Variants in ISL1 observed in about 807,000 individuals in gnomAD.
ISL1 encodes ISL LIM homeobox 1.
A neutral mutation model predicts 35.3 loss-of-function variants in ISL1; 4 were observed. That is an observed-to-expected ratio of 0.11 (90% CI 0.06 to 0.26). The LOEUF (loss-of-function observed/expected upper bound fraction) is 0.26. Among genes scored for constraint, ISL1 ranks in the 10% least tolerant of loss-of-function variants. The probability of loss-of-function intolerance (pLI) is 1.00; values close to 1 mark genes in which losing one functional copy is unlikely to be tolerated. For missense variants in ISL1, 340 were observed against 472.8 expected, an observed-to-expected ratio of 0.72 and a Z score of 2.60; for synonymous variants, 186 against 172.3, an observed-to-expected ratio of 1.08 and a Z score of -0.62.
In ISL1 at chr5:51,389,582, C is replaced by A; in HGVS notation, c.479-64C>A. 2 of 1,372,546 alleles carry A rather than the reference C, an allele frequency of 1.5e-6. No individual in the cohort carries two copies. The highest frequency in any genetic ancestry group is 9.4e-7 in the Non-Finnish European group (1 of 1,066,736). The allele number at this position is 1,372,546 out of a possible 1,614,324, so 85.0% of individuals were successfully genotyped here. ...GCAAGCGAGCGAGCGAGCGAGCGCG[C>A]GACCGCGGGCGGGCCGGCAAGCGAG... On this transcript the variant is annotated intron_variant, in intron 3 of 5. Coordinates refer to ENST00000230658, the MANE Select transcript of ISL1 (RefSeq NM_002202.3). This position sits in a 1 kb window ranked among gnomAD's most constrained non-coding sequence, Gnocchi z 5.0.
At position 51,389,687 on chromosome 5, in the gene ISL1, G is replaced by A. The variant is rs764011682; in HGVS notation, c.520G>A (p.Val174Ile). 2 of 1,612,776 alleles carry A rather than the reference G, an allele frequency of 1.2e-6. No homozygotes were observed. Among genetic ancestry groups the A allele is most frequent in the Non-Finnish European group, 1.7e-6 (2 of 1,179,916 alleles). ...CAGGCAGCCAGCCCTGCGGCCCCAC[G>A]TCCACAAGCAGCCGGAGAAGACCAC... ...SARQPALRPH[V>I]HKQPEKTTRV... Residue 174 changes from valine to isoleucine, a missense_variant, in exon 4 of 6, where the codon GTC becomes ATC. Val to Ile is a conservative substitution (Grantham distance 29). This residue lies in a region of ISL1 where 94 missense variants were observed against 102.1 expected (regional missense o/e 0.92). Coordinates refer to ENST00000230658, the MANE Select transcript of ISL1 (RefSeq NM_002202.3). The surrounding 1 kb of genome is among the most constrained non-coding windows in gnomAD (Gnocchi z 5.0).
intron 2 of ISL1, among the ~76,000 whole-genome samples, chr5:51,385,295 T>A (rs1471176412): frequency 6.6e-6 from 1 of 152,184 alleles, no homozygotes; most frequent in East Asian, 1.9e-4. Flanking sequence ...AAAACCAACC[T>A]AAATATTCCT....
At chr5:51,390,187 G>C (rs1444188039) in intron 4 of ISL1, among the ~76,000 whole-genome samples, 2 of 152,148 alleles carry the variant, frequency 1.3e-5, no homozygotes, top group Non-Finnish European at 2.9e-5. Flanking sequence ...CAACCTCGTG[G>C]GTGGGCTCAT....
At position 51,384,582 on chromosome 5, in the gene ISL1, A is replaced by T; in HGVS notation, c.70A>T (p.Ile24Phe). Reference sequence around the variant, plus strand: ...CCTATGTGTTGGTTGCGGCAATCAGATTCACGATCAGTATATTCTGAGGGT... The same window carrying T: ...CCTATGTGTTGGTTGCGGCAATCAGTTTCACGATCAGTATATTCTGAGGGT... ...ISLCVGCGNQ[I>F]HDQYILRVSP... is the part of the protein sequence containing the mutation. The change falls in exon 2 of 6, where the codon ATT becomes TTT. Residue 24 changes from isoleucine (I) to phenylalanine (F), a missense_variant. This residue lies in a region of ISL1 where 70 missense variants were observed against 130.3 expected (regional missense o/e 0.54). Transcript: ENST00000230658. 1 of 1,614,146 alleles carries T rather than the reference A, an allele frequency of 6.2e-7. No individual in the cohort carries two copies. The highest frequency in any genetic ancestry group is 8.5e-7 in the Non-Finnish European group (1 of 1,180,028).
At chr5:51,383,955 A>G (rs549969513) in intron 1 of ISL1, among the ~76,000 whole-genome samples, 12 of 152,210 alleles carry the variant, frequency 7.9e-5, no homozygotes, top group African/African-American at 2.9e-4. Flanking sequence ...CTAAGCGGTG[A>G]TTTCCTCCTG....
In ISL1 at chr5:51,389,520, C is replaced by T; in HGVS notation, c.479-126C>T. 1 of 816,620 alleles carries T rather than the reference C, an allele frequency of 1.2e-6. No individual in the cohort carries two copies. The highest frequency in any genetic ancestry group is 1.7e-6 in the Non-Finnish European group (1 of 585,812). 50.6% of individuals were successfully genotyped at this position (816,620 alleles called of 1,614,324 possible). On this transcript the variant is annotated intron_variant, in intron 3 of 5. Transcript: ENST00000230658. This position sits in a 1 kb window ranked among gnomAD's most constrained non-coding sequence, Gnocchi z 5.0. ...AAACCCTAGCCATTGTCCTGAGTAT[C>T]TCGGGCGGGCGAGCAAGTAAGCGGG...
rs565792243 is a variant in ISL1, at chr5:51,390,456, C to T, written c.765+524C>T. Among the ~76,000 whole-genome samples, 20 of 152,062 alleles carry T rather than the reference C, an allele frequency of 1.3e-4. No homozygotes were observed. The South Asian group carries it at 3.9e-3, about 30-fold the overall frequency. On this transcript the variant is annotated intron_variant, in intron 4 of 5. Coordinates refer to ENST00000230658, the MANE Select transcript of ISL1 (RefSeq NM_002202.3). ...TGCGCCTTCAGGCTGGCGAGTTCCCCCAAGGTGACCCGCATGCCCAGATCA... is the reference window on the plus strand; with the variant it reads ...TGCGCCTTCAGGCTGGCGAGTTCCCTCAAGGTGACCCGCATGCCCAGATCA...
chr5:51,390,615 C>G (rs1321646694), intron 4 of ISL1, among the ~76,000 whole-genome samples: 1 of 89,602 alleles, frequency 1.1e-5, no homozygotes, highest in Non-Finnish European at 2.5e-5. Flanking sequence ...AGTTTCTTTT[C>G]TTCCTTTTTT....
At chr5:51,384,403 T>C in intron 1 of ISL1, 138 bp from the exon 2 acceptor site, 1 of 584,608 alleles carries the variant, frequency 1.7e-6, no homozygotes, top group Non-Finnish European at 2.8e-6. Context: ...TGCAATGCTC[T>C]AAAAAAAAAA....
At chr5:51,390,934 A>C (rs926706500) in intron 4 of ISL1, among the ~76,000 whole-genome samples, 10 of 151,602 alleles carry the variant, frequency 6.6e-5, no homozygotes, top group African/African-American at 2.2e-4. Context: ...AGCCCTGCTT[A>C]CCTCAGCTTT....
Position 51,389,478 on chromosome 5 carries a change from T to G in ISL1, c.479-168T>G, listed in dbSNP as rs1237798546. On this transcript the variant is annotated intron_variant, in intron 3 of 5. Transcript: ENST00000230658. The surrounding 1 kb of genome is among the most constrained non-coding windows in gnomAD (Gnocchi z 5.0). The stretch of plus-strand genomic sequence containing the variant: ...GCCCCCACCTCTGCCGCCCCCTGCT[T>G]TGTGTGCTGAGGCTGCAAACCCTAG... 6.6e-6 allele frequency among the ~76,000 whole-genome samples: 1 copy of G among 150,614 alleles called. No individual in the cohort carries two copies. The highest frequency in any genetic ancestry group is 2.4e-5 in the African/African-American group (1 of 41,186).
Position 51,394,542 on chromosome 5 carries a change from A to T in ISL1, c.*932A>T, listed in dbSNP as rs1747593295. ...CGGAAGACTTGCCACTTTTCATGTC[A>T]TTTGACATTTTTTGTTTGCTGAAGT... On this transcript the variant is annotated 3_prime_UTR_variant, in exon 6 of 6. Transcript: ENST00000230658. The T allele has an allele frequency of 6.6e-6, 1 of 152,350 alleles. No homozygotes were observed. Among genetic ancestry groups the T allele is most frequent in the African/African-American group, 2.4e-5 (1 of 41,350 alleles). 9.4% of individuals were successfully genotyped at this position (152,350 alleles called of 1,614,324 possible).
chr5:51,386,590 G>T (rs1227714927), intron 2 of ISL1: 1 of 456,088 alleles, frequency 2.2e-6, no homozygotes, highest in Non-Finnish European at 4.4e-6. Context: ...GGCCAGGGAA[G>T]TGCAGCCTAG....
In ISL1 at chr5:51,384,577, A is replaced by G. The variant is rs763347198; in HGVS notation, c.65A>G (p.Asn22Ser). Residue 22 changes from asparagine to serine, a missense_variant, in exon 2 of 6, where the codon AAT (asparagine) becomes AGT (serine). By Grantham distance (46) the Asn-to-Ser change is conservative. Transcript: ENST00000230658. ...RLISLCVGCG[N>S]QIHDQYILRV... ...ATTTCCCTATGTGTTGGTTGCGGCA[A>G]TCAGATTCACGATCAGTATATTCTG... The G allele has an allele frequency of 1.9e-6, 3 of 1,614,140 alleles. No individual in the cohort carries two copies. The highest frequency in any genetic ancestry group is 2.5e-6 in the Non-Finnish European group (3 of 1,180,014).
Position 51,384,677 on chromosome 5 carries a change from C to G in ISL1, c.165C>G (p.Ser55Arg), listed in dbSNP as rs1294357947. 2 of 1,613,968 alleles carry G rather than the reference C, an allele frequency of 1.2e-6. No homozygotes were observed. The highest frequency in any genetic ancestry group is 2.7e-5 in the African/African-American group (2 of 74,920). ...CAECNQYLDE[S>R]CTCFVRDGKT... ...AGTGTAATCAGTATTTGGACGAGAG[C>G]TGTACATGCTTTGTTAGGGATGGGA... Residue 55 changes from serine to arginine, a missense_variant, in exon 2 of 6, where the codon AGC becomes AGG. Ser to Arg is a moderately radical substitution (Grantham distance 110). This residue lies in a region of ISL1 where 70 missense variants were observed against 130.3 expected (regional missense o/e 0.54). Transcript: ENST00000230658.
rs1282294993 is a variant in ISL1 at position 51,393,903 on chromosome 5, A to G, written c.*293A>G. On this transcript the variant is annotated 3_prime_UTR_variant, in exon 6 of 6. Coordinates refer to ENST00000230658, the MANE Select transcript of ISL1 (RefSeq NM_002202.3). Reference sequence around the variant, plus strand: ...AAAAGACGTTTTTAAAACGTAGAGGATTTATATTCAAGGATCTCAAAGAAA... The same window carrying G: ...AAAAGACGTTTTTAAAACGTAGAGGGTTTATATTCAAGGATCTCAAAGAAA... 6 of 412,708 alleles carry G rather than the reference A, an allele frequency of 1.5e-5. No homozygotes were observed. Among genetic ancestry groups the G allele is most frequent in the Non-Finnish European group, 2.7e-5 (6 of 225,210 alleles). The allele number at this position is 412,708 out of a possible 1,614,324, so 25.6% of individuals were successfully genotyped here. A position where few individuals can be genotyped will look rare whatever the true frequency, so the allele number is the denominator to read the frequency against.
At position 51,393,551 on chromosome 5, in the gene ISL1, A is replaced by G. The variant is rs754326704; in HGVS notation, c.991A>G (p.Met331Val). ...SNSTGSEVASMSSQLPDTPNS... is the reference protein window; with the variant it reads ...SNSTGSEVASVSSQLPDTPNS... ...TTCCACTGGCAGTGAAGTAGCATCA[A>G]TGTCCTCTCAACTTCCAGATACACC... is the stretch of plus-strand genomic sequence containing the variant. The change falls in exon 6 of 6, where the codon ATG becomes GTG. Residue 331 changes from methionine (M) to valine (V), a missense_variant. Met to Val is a conservative substitution (Grantham distance 21, BLOSUM62 1). Coordinates refer to ENST00000230658, the MANE Select transcript of ISL1 (RefSeq NM_002202.3). 1.1e-5 allele frequency: 18 copies of G among 1,613,904 alleles called. No individual in the cohort carries two copies. The highest frequency in any genetic ancestry group is 4.4e-5 in the South Asian group (4 of 91,084).
At chr5:51,388,866 G>T (rs1747416532) in intron 3 of ISL1, among the ~76,000 whole-genome samples, 1 of 152,042 alleles carries the variant, frequency 6.6e-6, no homozygotes, top group African/African-American at 2.4e-5. Context: ...AGAGGGAGGC[G>T]GGGGACATCT....
chr5:51,390,574 C>T (rs1240305984), intron 4 of ISL1, among the ~76,000 whole-genome samples: 2 of 150,876 alleles, frequency 1.3e-5, no homozygotes, highest in African/African-American at 4.9e-5. Context: ...GAAGCACCCA[C>T]TCTGCAGGCC....
Sources: allele counts gnomAD v4.1 joint callset (sites outside exome capture counted in the v4.1 genomes callset), GRCh38; gene constraint gnomAD v4.1.1; regional missense constraint gnomAD v4.1.1; non-coding constraint Gnocchi (gnomAD v3.1); transcripts MANE v1.5; gene names NCBI Gene and HGNC (gene_info 2026-07-23, HGNC 2026-07-21).